The following SLC25A13 variants were observed in gnomAD, a reference collection of about 807,000 sequenced individuals.
SLC25A13 encodes electrogenic aspartate/glutamate antiporter SLC25A13, mitochondrial.
Under a neutral mutation model 85.5 loss-of-function variants are expected in SLC25A13, and 70 were observed. The ratio of observed to expected loss-of-function variants is 0.82; its 90% CI spans 0.68 to 1.00. The LOEUF is 1.00. Ranked by LOEUF, SLC25A13 falls within the 50% of genes least tolerant of loss-of-function variation. The probability of loss-of-function intolerance (pLI) is 0.00; values close to 1 mark genes in which losing one functional copy is unlikely to be tolerated. For missense variants in SLC25A13, 765 were observed against 819.8 expected (o/e 0.93, Z 0.82); for synonymous variants, 259 against 288.7 (o/e 0.90, Z 1.04).
chr7:96,291,537 T>C (rs1292146509), intron 2 of SLC25A13, among the ~76,000 whole-genome samples: 2 of 151,770 alleles, frequency 1.3e-5, no homozygotes, highest in African/African-American at 4.8e-5. Context: ...CTAGCAAGAC[T>C]AATAAAGAAG....
intron 2 of SLC25A13, among the ~76,000 whole-genome samples, chr7:96,288,764 G>A (rs939103416): frequency 8.5e-5 from 13 of 152,136 alleles, no homozygotes; most frequent in East Asian, 1.9e-4. Context: ...TAAACAAAGC[G>A]GCCTGGAAGC....
chr7:96,277,398 TGA>T, intron 2 of SLC25A13, 60 bp from the exon 3 acceptor site: 2 of 1,496,016 alleles, frequency 1.3e-6, no homozygotes, highest in East Asian at 2.4e-5. Context: ...TATATAATCA[TGA>T]GAGTGATATG....
chr7:96,120,662 A>T lies in SLC25A13; in HGVS notation c.*529T>A, dbSNP rs1331165603. The T allele has an allele frequency of 6.6e-6, 3 of 454,448 alleles. No individual in the cohort carries two copies. The highest frequency in any genetic ancestry group is 6.0e-5 in the African/African-American group (3 of 50,006). 28.2% of individuals were successfully genotyped at this position (454,448 alleles called of 1,614,324 possible). ...TACAAAGAAACATGTTTCACATAAA[A>T]GCTTCATAATATAATCCAGAGACAG... On this transcript the variant is annotated 3_prime_UTR_variant, in exon 18 of 18. Transcript: ENST00000265631.
chr7:96,300,530 T>C (rs1799512823), intron 1 of SLC25A13, among the ~76,000 whole-genome samples: 1 of 152,200 alleles, frequency 6.6e-6, no homozygotes, highest in African/African-American at 2.4e-5. Context: ...GTTTACTCCT[T>C]AAGAAATCTA....
chr7:96,293,769 G>T (rs1171230453), intron 2 of SLC25A13, among the ~76,000 whole-genome samples: 2 of 152,178 alleles, frequency 1.3e-5, no homozygotes, highest in African/African-American at 4.8e-5. Flanking sequence ...TCATTAAAAA[G>T]TCAGGAAACA....
Position 96,270,514 on chromosome 7 carries a change from C to T in SLC25A13, c.212+6682G>A, listed in dbSNP as rs188555897. On this transcript the variant is annotated intron_variant, in intron 3 of 17. Coordinates refer to ENST00000265631, the MANE Select transcript of SLC25A13 (RefSeq NM_014251.3). ...AGGTTGCAATGATCTGAGATCGTGC[C>T]ACTGCACCCCAGCCTGGGCAACAGA... Among the ~76,000 whole-genome samples the T allele has an allele frequency of 4.6e-3, 692 of 151,028 alleles. 7 individuals carry two copies. The highest frequency in any genetic ancestry group is 0.016 in the African/African-American group (666 of 41,088).
At chr7:96,191,794 T>G (rs1197026196) in intron 6 of SLC25A13, among the ~76,000 whole-genome samples, 5 of 152,148 alleles carry the variant, frequency 3.3e-5, no homozygotes, top group Non-Finnish European at 7.3e-5. Context: ...CAAACAAGCA[T>G]ATTATGGTAA....
chr7:96,154,824 GTCTC>G (rs995875109), intron 13 of SLC25A13, among the ~76,000 whole-genome samples: 3 of 145,152 alleles, frequency 2.1e-5, no homozygotes, highest in African/African-American at 7.8e-5. Flanking sequence ...TTAAGACAGA[GTCTC>G]TCTCTGTCAC....
At chr7:96,176,625 G>A (rs899643313) in intron 11 of SLC25A13, among the ~76,000 whole-genome samples, 3 of 152,190 alleles carry the variant, frequency 2.0e-5, no homozygotes, top group African/African-American at 4.8e-5. Flanking sequence ...GGAGCTGAAG[G>A]TGTGGGGACC....
intron 5 of SLC25A13, among the ~76,000 whole-genome samples, chr7:96,197,481 G>A (rs759507834): frequency 8.5e-5 from 13 of 152,060 alleles, no homozygotes; most frequent in Non-Finnish European, 1.6e-4. Flanking sequence ...TAAATCAGGA[G>A]GCCAGTGGGA....
At chr7:96,224,357 A>T (rs770891652) in intron 4 of SLC25A13, among the ~76,000 whole-genome samples, 1 of 152,156 alleles carries the variant, frequency 6.6e-6, no homozygotes, top group Non-Finnish European at 1.5e-5. Context: ...TTCTCATATG[A>T]AATAATTACT....
At chr7:96,249,102 T>C (rs1408714703) in intron 3 of SLC25A13, among the ~76,000 whole-genome samples, 1 of 152,164 alleles carries the variant, frequency 6.6e-6, no homozygotes, top group Non-Finnish European at 1.5e-5. Context: ...GCCCAGGAGT[T>C]TGAGACCAGC....
intron 5 of SLC25A13, 143 bp downstream of exon 5, chr7:96,208,695 C>T (rs1194277227): frequency 1.1e-5 from 10 of 889,942 alleles, no homozygotes; most frequent in East Asian, 8.5e-5. Context: ...TTAGTAGAGA[C>T]GGGGTTTCAC....
At chr7:96,218,708 C>T (rs150674692) in intron 4 of SLC25A13, among the ~76,000 whole-genome samples, 1 of 152,146 alleles carries the variant, frequency 6.6e-6, no homozygotes, top group African/African-American at 2.4e-5. Context: ...CTCTCTTTCT[C>T]ATGGATTTTA....
At position 96,315,020 on chromosome 7, in the gene SLC25A13, C is replaced by CA. The variant is rs1382273311; in HGVS notation, c.15+6921dup. On this transcript the variant is annotated intron_variant, in intron 1 of 17. Coordinates refer to ENST00000265631, the MANE Select transcript of SLC25A13 (RefSeq NM_014251.3). Reference sequence around the variant, plus strand: ...CCTCCTCCAGCACCTTCTCTGATCACAAAAAACCACTGAGACTCTGCAGGA... The same window carrying CA: ...CCTCCTCCAGCACCTTCTCTGATCACAAAAAAACCACTGAGACTCTGCAGGA... Among the ~76,000 whole-genome samples, 10 of 152,040 alleles carry CA rather than the reference C, an allele frequency of 6.6e-5. No homozygotes were observed. The South Asian group carries it at 1.9e-3, about 28-fold the overall frequency.
intron 3 of SLC25A13, among the ~76,000 whole-genome samples, chr7:96,247,041 C>T (rs1797217316): frequency 6.6e-6 from 1 of 152,172 alleles, no homozygotes; most frequent in Admixed American, 6.5e-5. Context: ...CCATACAATA[C>T]AGTAACTGAG....
intron 1 of SLC25A13, among the ~76,000 whole-genome samples, chr7:96,320,246 A>T (rs976811018): frequency 1.3e-5 from 2 of 152,130 alleles, no homozygotes; most frequent in Admixed American, 1.3e-4. Context: ...GCCTCAACTG[A>T]CCCGCCCGCC....
intron 1 of SLC25A13, among the ~76,000 whole-genome samples, chr7:96,298,045 CT>C (rs1799411948): frequency 6.6e-6 from 1 of 152,142 alleles, no homozygotes; most frequent in African/African-American, 2.4e-5. Context: ...CCCAATCCTC[CT>C]AGCAAAAAAC....
intron 2 of SLC25A13, among the ~76,000 whole-genome samples, chr7:96,282,609 TTA>T (rs769819488): frequency 5.9e-5 from 9 of 152,250 alleles, no homozygotes; most frequent in Non-Finnish European, 8.8e-5. Context: ...CACAATGGTA[TTA>T]TGACTGTGTA....
Sources: gnomAD v4.1 joint callset for allele counts (sites outside exome capture counted in the v4.1 genomes callset) on GRCh38, gnomAD v4.1.1 for gene constraint, MANE v1.5 for transcripts, NCBI Gene and HGNC (gene_info 2026-07-23, HGNC 2026-07-21) for gene names.